The following PHACTR1 variants were observed in gnomAD, a reference collection of about 807,000 sequenced individuals.
The protein encoded by PHACTR1 is RPEL repeat containing 1.
A neutral mutation model predicts 69.2 loss-of-function variants in PHACTR1; 16 were observed. The ratio of observed to expected loss-of-function variants is 0.23; its 90% CI spans 0.16 to 0.35. PHACTR1 has a LOEUF of 0.35. Ranked by LOEUF, PHACTR1 falls within the 10% of genes least tolerant of loss-of-function variation. The pLI is 1.00. For synonymous variants in PHACTR1, 312 were observed against 284.5 expected (o/e 1.10, Z -0.97); for missense variants, 510 against 734.7 (o/e 0.69, Z 3.54).
At chr6:12,725,291 A>G (rs752910041) in intron 3 of PHACTR1, among the ~76,000 whole-genome samples, 12 of 152,218 alleles carry the variant, frequency 7.9e-5, no homozygotes, top group South Asian at 2.1e-4. Flanking sequence ...CATGGCCCCA[A>G]GAGACAAAGA....
chr6:12,797,159 A>C (rs1157530560), intron 4 of PHACTR1, among the ~76,000 whole-genome samples: 3 of 152,084 alleles, frequency 2.0e-5, no homozygotes, highest in Non-Finnish European at 4.4e-5. Flanking sequence ...AGGTGTGCAC[A>C]ATAGATGAAG....
At chr6:12,748,789 G>A (rs1474862387) in intron 3 of PHACTR1, among the ~76,000 whole-genome samples, 2 of 152,180 alleles carry the variant, frequency 1.3e-5, no homozygotes, top group Admixed American at 6.5e-5. Context: ...CTTATGTAGA[G>A]ATAACACAAC....
At chr6:13,133,486 G>C (rs1258563435) in intron 5 of PHACTR1, among the ~76,000 whole-genome samples, 2 of 151,942 alleles carry the variant, frequency 1.3e-5, no homozygotes, top group Non-Finnish European at 2.9e-5. Flanking sequence ...TGGTGGAGAC[G>C]GGGTTTCGCC....
chr6:13,112,383 G>A (rs918424608), intron 5 of PHACTR1, among the ~76,000 whole-genome samples: 2 of 152,116 alleles, frequency 1.3e-5, no homozygotes, highest in African/African-American at 4.8e-5. Context: ...AATTCCTTTG[G>A]GTATACACCC....
intron 4 of PHACTR1, among the ~76,000 whole-genome samples, chr6:12,884,303 A>G (rs1156635387): frequency 6.6e-6 from 1 of 152,166 alleles, no homozygotes; most frequent in Non-Finnish European, 1.5e-5. Context: ...GTCTCTCTGT[A>G]CATTTGTAAC....
At chr6:13,239,498 A>G (rs1772499197) in intron 10 of PHACTR1, among the ~76,000 whole-genome samples, 1 of 152,092 alleles carries the variant, frequency 6.6e-6, no homozygotes, top group Non-Finnish European at 1.5e-5. Context: ...AAGAAACCAC[A>G]TGTTCGCTGG....
intron 5 of PHACTR1, among the ~76,000 whole-genome samples, chr6:13,110,337 T>C (rs1230689493): frequency 6.6e-6 from 1 of 152,232 alleles, no homozygotes; most frequent in African/African-American, 2.4e-5. Flanking sequence ...TAGCTTTTCC[T>C]CTATGCGTAG....
At chr6:13,247,364 T>TGA (rs559794648) in intron 10 of PHACTR1, among the ~76,000 whole-genome samples, 8 of 149,960 alleles carry the variant, frequency 5.3e-5, no homozygotes, top group East Asian at 2.0e-4. Flanking sequence ...TGTGTGTGTG[T>TGA]GACGGAGTTT....
chr6:12,788,785 A>C (rs1771863320), intron 4 of PHACTR1, among the ~76,000 whole-genome samples: 1 of 152,206 alleles, frequency 6.6e-6, no homozygotes, highest in Non-Finnish European at 1.5e-5. Flanking sequence ...TTCTGGAGGG[A>C]GATAAGATAC....
chr6:13,035,982 G>A (rs1244269394), intron 4 of PHACTR1, among the ~76,000 whole-genome samples: 1 of 152,144 alleles, frequency 6.6e-6, no homozygotes, highest in Non-Finnish European at 1.5e-5. Context: ...CCTACCACAT[G>A]CTAACTCCAT....
intron 6 of PHACTR1, among the ~76,000 whole-genome samples, chr6:13,167,850 G>A (rs1358199329): frequency 3.9e-5 from 6 of 152,092 alleles, no homozygotes; most frequent in Admixed American, 2.6e-4. Context: ...CACAGGGGTC[G>A]CATTTTTCGT....
chr6:13,089,542 G>A (rs373355331), intron 5 of PHACTR1, among the ~76,000 whole-genome samples: 4 of 152,172 alleles, frequency 2.6e-5, no homozygotes, highest in African/African-American at 9.7e-5. Context: ...TGCAGCATTT[G>A]AGAACTTGAA....
At chr6:13,255,594 A>G (rs931624709) in intron 10 of PHACTR1, among the ~76,000 whole-genome samples, 13 of 152,258 alleles carry the variant, frequency 8.5e-5, no homozygotes, top group Non-Finnish European at 1.8e-4. Flanking sequence ...GGGTATAGGC[A>G]TTGGGTAAAT....
chr6:12,823,137 C>T (rs529251590), intron 4 of PHACTR1, among the ~76,000 whole-genome samples: 7 of 152,326 alleles, frequency 4.6e-5, no homozygotes, highest in Admixed American at 2.0e-4. Context: ...CTGTCACCTA[C>T]CACCCGTGTA....
intron 5 of PHACTR1, among the ~76,000 whole-genome samples, chr6:13,059,798 G>A (rs1230104954): frequency 1.3e-5 from 2 of 152,126 alleles, no homozygotes; most frequent in African/African-American, 4.8e-5. Context: ...GTAGATATGT[G>A]TTTGAGTCAA....
rs377313232 is a variant in PHACTR1 at position 13,286,156 on chromosome 6, G to A, written c.1661G>A (p.Arg554Gln). Residue 554 changes from arginine (R) to glutamine (Q), a missense_variant, in exon 14 of 15, where the codon CGA becomes CAA. Transcript: ENST00000332995. ...RLTAADKAAI[R>Q]KELNEFKSTE... The stretch of plus-strand genomic sequence containing the variant: ...TTCTGTTGATTCCAGGCTGCCATCC[G>A]AAAGGAGCTCAATGAATTCAAAAGC... 1.9e-6 allele frequency: 3 copies of A among 1,605,200 alleles called. No homozygotes were observed. The highest frequency in any genetic ancestry group is 2.6e-6 in the Non-Finnish European group (3 of 1,176,302).
At chr6:12,817,266 G>A (rs1358846284) in intron 4 of PHACTR1, among the ~76,000 whole-genome samples, 1 of 152,168 alleles carries the variant, frequency 6.6e-6, no homozygotes, top group African/African-American at 2.4e-5. Flanking sequence ...TGAAGCAGGT[G>A]AAATTTATCA....
At chr6:12,737,587 T>C (rs1222372126) in intron 3 of PHACTR1, among the ~76,000 whole-genome samples, 1 of 139,364 alleles carries the variant, frequency 7.2e-6, no homozygotes, top group Non-Finnish European at 1.6e-5. Flanking sequence ...TGTGTATTTC[T>C]TTCTTTCTTT....
At chr6:13,285,390 C>T (rs957674466) in intron 13 of PHACTR1, among the ~76,000 whole-genome samples, 1 of 152,168 alleles carries the variant, frequency 6.6e-6, no homozygotes, top group Non-Finnish European at 1.5e-5. Context: ...AAGCAAGTAT[C>T]GGCCATAGAC....
Sources: allele counts gnomAD v4.1 joint callset (sites outside exome capture counted in the v4.1 genomes callset), GRCh38; gene constraint gnomAD v4.1.1; transcripts MANE v1.5; gene names NCBI Gene and HGNC (gene_info 2026-07-23, HGNC 2026-07-21).